The following PRDM2 variants were observed in gnomAD, a reference collection of about 807,000 sequenced individuals.
The protein encoded by PRDM2 is PR domain zinc finger protein 2.
In PRDM2, 30 loss-of-function variants were observed where a neutral mutation model predicts 130.0. That is an observed-to-expected ratio of 0.23 (90% CI 0.17 to 0.31). PRDM2 has a LOEUF of 0.31. PRDM2 is among the 10% of genes least tolerant of loss of function. PRDM2 has a pLI of 1.00. For synonymous variants in PRDM2, 871 were observed against 782.4 expected, an observed-to-expected ratio of 1.11 and a Z score of -1.89; for missense variants, 2,011 against 2,108.4, an observed-to-expected ratio of 0.95 and a Z score of 0.90.
At position 13,823,167 on chromosome 1, in the gene PRDM2, G is replaced by A. The variant is rs1302305800; in HGVS notation, c.*32G>A. The A allele has an allele frequency of 1.2e-6, 2 of 1,613,180 alleles. No individual in the cohort carries two copies. Among genetic ancestry groups the A allele is most frequent in the Non-Finnish European group, 1.7e-6 (2 of 1,179,470 alleles). On this transcript the variant is annotated 3_prime_UTR_variant, in exon 10 of 10. Transcript: ENST00000311066. Reference sequence around the variant, plus strand: ...TTTCTTTTTCTCCTCAGCACCTGAAGTGACCTGGAATCAGTGAAGCCAAAG... The same window carrying A: ...TTTCTTTTTCTCCTCAGCACCTGAAATGACCTGGAATCAGTGAAGCCAAAG...
intron 3 of PRDM2, among the ~76,000 whole-genome samples, 170 bp downstream of exon 3, chr1:13,731,287 A>C (rs1345895769): frequency 6.6e-6 from 1 of 152,138 alleles, no homozygotes; most frequent in Non-Finnish European, 1.5e-5. Context: ...TCCAGGTTGG[A>C]CATGGGTTGT....
At chr1:13,733,058 G>A (rs1643158998) in intron 4 of PRDM2, among the ~76,000 whole-genome samples, 176 bp downstream of exon 4, 1 of 152,158 alleles carries the variant, frequency 6.6e-6, no homozygotes, top group Non-Finnish European at 1.5e-5. Context: ...ATTTATATAT[G>A]CTTTTGTATT....
At chr1:13,718,636 T>C (rs1230732630) in intron 2 of PRDM2, among the ~76,000 whole-genome samples, 1 of 152,088 alleles carries the variant, frequency 6.6e-6, no homozygotes, top group Non-Finnish European at 1.5e-5. Flanking sequence ...TTTCTTAATA[T>C]CTCTTAACCT....
intron 6 of PRDM2, among the ~76,000 whole-genome samples, chr1:13,772,435 C>T (rs779792644): frequency 5.9e-5 from 9 of 152,132 alleles, no homozygotes; most frequent in Non-Finnish European, 5.9e-5. Flanking sequence ...GAATTCCATC[C>T]TCTGAATTGT....
intron 3 of PRDM2, among the ~76,000 whole-genome samples, chr1:13,731,393 G>C (rs946986118): frequency 6.6e-5 from 10 of 152,016 alleles, no homozygotes; most frequent in African/African-American, 2.4e-4. Flanking sequence ...CTCCTCCTCT[G>C]AGTCTCCCTG....
intron 8 of PRDM2, among the ~76,000 whole-genome samples, chr1:13,796,862 C>G (rs562975887): frequency 2.6e-5 from 4 of 152,116 alleles, no homozygotes; most frequent in South Asian, 2.1e-4. Flanking sequence ...TATAACACAC[C>G]GTATAATGGA....
chr1:13,763,709 G>A (rs1644157887), intron 6 of PRDM2, among the ~76,000 whole-genome samples: 1 of 152,046 alleles, frequency 6.6e-6, no homozygotes, highest in African/African-American at 2.4e-5. Flanking sequence ...TACTTTTGTT[G>A]GCGTCTTCTT....
rs16852966 is a variant in PRDM2 at position 13,788,701 on chromosome 1, T to C, written c.5036+5870T>C. Among the ~76,000 whole-genome samples the C allele has an allele frequency of 2.4e-3, 361 of 152,270 alleles. 3 individuals are homozygous for C. Among genetic ancestry groups the C allele is most frequent in the African/African-American group, 8.4e-3 (348 of 41,536 alleles). On this transcript the variant is annotated intron_variant, in intron 8 of 9. Transcript: ENST00000311066. ...GAACTGGTCTTCGATATTAGTAGTTTTAAACAAATGAGGCTTCAACACACA... is the reference window on the plus strand; with the variant it reads ...GAACTGGTCTTCGATATTAGTAGTTCTAAACAAATGAGGCTTCAACACACA...
At chr1:13,708,787 T>C (rs1481280895) in intron 1 of PRDM2, among the ~76,000 whole-genome samples, 1 of 152,176 alleles carries the variant, frequency 6.6e-6, no homozygotes, top group Non-Finnish European at 1.5e-5. Flanking sequence ...CTTCGGTGGG[T>C]GAGAGGCGTG....
chr1:13,708,500 A>G (rs901455200), intron 1 of PRDM2, among the ~76,000 whole-genome samples: 4 of 152,126 alleles, frequency 2.6e-5, no homozygotes, highest in African/African-American at 9.7e-5. Context: ...AAACTGTGTT[A>G]TTAGTATCAG....
In PRDM2 at chr1:13,780,477, T is replaced by A. The variant is rs763975410; in HGVS notation, c.2682T>A (p.Asn894Lys). The A allele has an allele frequency of 6.8e-6, 11 of 1,614,154 alleles. No individual in the cohort carries two copies. Among genetic ancestry groups the A allele is most frequent in the South Asian group, 1.1e-5 (1 of 91,072 alleles). Reference protein sequence around the residue: ...TTCMLQKVLLNEYNGIDLPVE... With the variant: ...TTCMLQKVLLKEYNGIDLPVE... ...GCATGCTGCAGAAGGTTCTTCTCAA[T>A]GAATATAATGGCATCGATTTACCTG... The change falls in exon 8 of 10, where the codon AAT becomes AAA. Residue 894 changes from asparagine to lysine, a missense_variant. Physicochemically the swap from Asn to Lys is moderately conservative, Grantham distance 94. Coordinates refer to ENST00000311066, the MANE Select transcript of PRDM2 (RefSeq NM_001393986.1).
At chr1:13,798,386 G>A (rs1184643419) in intron 8 of PRDM2, among the ~76,000 whole-genome samples, 1 of 152,204 alleles carries the variant, frequency 6.6e-6, no homozygotes, top group Non-Finnish European at 1.5e-5. Flanking sequence ...GAAAAGGCTG[G>A]TGATAGCTAA....
At position 13,806,297 on chromosome 1, in the gene PRDM2, C is replaced by T. The variant is rs1570101720; in HGVS notation, c.5037-10130C>T. Among the ~76,000 whole-genome samples, 1 of 152,082 alleles carries T rather than the reference C, an allele frequency of 6.6e-6. No individual in the cohort carries two copies. Among genetic ancestry groups the T allele is most frequent in the Non-Finnish European group, 1.5e-5 (1 of 68,016 alleles). ...CCTCCATCCCTGGGCTCTGTCCCCT[C>T]GCTCCGTCTCCGCTCCCCCTTGGTG... On this transcript the variant is annotated intron_variant, in intron 8 of 9. Coordinates refer to ENST00000311066, the MANE Select transcript of PRDM2 (RefSeq NM_001393986.1). The surrounding 1 kb of genome is among the most constrained non-coding windows in gnomAD (Gnocchi z 4.1).
chr1:13,730,757 G>A (rs192308497), intron 2 of PRDM2, among the ~76,000 whole-genome samples: 1 of 152,302 alleles, frequency 6.6e-6, no homozygotes, highest in Admixed American at 6.5e-5. Flanking sequence ...ATGGCCACAG[G>A]TGGCTGGAAC....
intron 2 of PRDM2, among the ~76,000 whole-genome samples, chr1:13,720,024 G>A (rs1020612608): frequency 2.0e-5 from 3 of 151,982 alleles, no homozygotes; most frequent in African/African-American, 4.8e-5. Context: ...AATCTATTCC[G>A]TCATGTATTG....
At chr1:13,741,861 T>C (rs917137469) in intron 4 of PRDM2, 144 bp from the exon 5 acceptor site, 1 of 651,976 alleles carries the variant, frequency 1.5e-6, no homozygotes, top group African/African-American at 1.8e-5. Flanking sequence ...TTCTTTTCTC[T>C]GTCGCTTGTT....
chr1:13,790,047 C>T (rs1414990353), intron 8 of PRDM2, among the ~76,000 whole-genome samples: 2 of 151,202 alleles, frequency 1.3e-5, no homozygotes, highest in African/African-American at 4.8e-5. Context: ...GAGCCACAAG[C>T]CCTGCCCTTC....
intron 8 of PRDM2, among the ~76,000 whole-genome samples, chr1:13,798,317 G>A (rs1413878349): frequency 6.6e-6 from 1 of 152,180 alleles, no homozygotes; most frequent in Non-Finnish European, 1.5e-5. Flanking sequence ...ATTAACTGCT[G>A]GTGATTGAAC....
intron 6 of PRDM2, among the ~76,000 whole-genome samples, chr1:13,764,153 C>T (rs1287612024): frequency 6.6e-6 from 1 of 152,072 alleles, no homozygotes; most frequent in Non-Finnish European, 1.5e-5. Context: ...TTCTCGAGGG[C>T]GTGGCTGTCT....
Sources: allele counts gnomAD v4.1 joint callset (sites outside exome capture counted in the v4.1 genomes callset), GRCh38; gene constraint gnomAD v4.1.1; non-coding constraint Gnocchi (gnomAD v3.1); transcripts MANE v1.5; gene names NCBI Gene and HGNC (gene_info 2026-07-23, HGNC 2026-07-21).